Variants in JAKMIP2 observed in about 807,000 individuals in gnomAD.
JAKMIP2 encodes the protein janus kinase and microtubule-interacting protein 2.
In JAKMIP2, 25 loss-of-function variants were observed where a neutral mutation model predicts 115.0. The observed-to-expected ratio is 0.22, with a 90% CI of 0.16 to 0.30. The LOEUF (loss-of-function observed/expected upper bound fraction) is 0.30, where lower values mean the gene tolerates loss of function less well. Ranked by LOEUF, JAKMIP2 falls within the 10% of genes least tolerant of loss-of-function variation. The pLI is 1.00. For missense variants in JAKMIP2, 642 were observed against 957.6 expected (o/e 0.67, Z 4.35); for synonymous variants, 334 against 343.6 (o/e 0.97, Z 0.31).
chr5:147,598,686 G>A (rs1411341894), intron 21 of JAKMIP2, among the ~76,000 whole-genome samples: 2 of 152,134 alleles, frequency 1.3e-5, no homozygotes, highest in Admixed American at 6.6e-5. Context: ...GCCTTCTAGG[G>A]AGCGTTCGAT....
intron 21 of JAKMIP2, among the ~76,000 whole-genome samples, chr5:147,597,043 TTG>T (rs1209047191): frequency 4.0e-3 from 136 of 33,860 alleles, no homozygotes; most frequent in African/African-American, 8.3e-3. Context: ...TGGCTAATTT[TTG>T]TATTTTTTTT....
chr5:147,666,462 AGC>A (rs1182867678), intron 2 of JAKMIP2, among the ~76,000 whole-genome samples: 1 of 152,162 alleles, frequency 6.6e-6, no homozygotes, highest in African/African-American at 2.4e-5. Context: ...ACCATATAAT[AGC>A]TAGCATTTAT....
chr5:147,679,770 T>C (rs1760163904), intron 1 of JAKMIP2, among the ~76,000 whole-genome samples: 2 of 152,190 alleles, frequency 1.3e-5, no homozygotes, highest in Admixed American at 1.3e-4. Flanking sequence ...GAGCTGCAAC[T>C]CAAATACACA....
At chr5:147,676,887 G>A (rs1382670744) in intron 1 of JAKMIP2, among the ~76,000 whole-genome samples, 1 of 152,186 alleles carries the variant, frequency 6.6e-6, no homozygotes, top group Non-Finnish European at 1.5e-5. Flanking sequence ...GTATTTTAGA[G>A]GAGGGCTTCC....
intron 20 of JAKMIP2, among the ~76,000 whole-genome samples, chr5:147,611,301 G>A (rs1756305470): frequency 2.0e-5 from 3 of 152,168 alleles, no homozygotes; most frequent in South Asian, 2.1e-4. Flanking sequence ...TTGAAACCCA[G>A]GGCCCTTGTG....
Position 147,666,388 on chromosome 5 carries a change from T to C in JAKMIP2, c.130-4943A>G, listed in dbSNP as rs1159543878. ...AATACTTTGAAATGAAGAAAATTAT[T>C]TAGTAGAAGAAAGAAACCAATTTTG... On this transcript the variant is annotated intron_variant, in intron 2 of 21. Transcript: ENST00000616793. Among the ~76,000 whole-genome samples, 3 of 152,280 alleles carry C rather than the reference T, an allele frequency of 2.0e-5. No individual in the cohort carries two copies. The East Asian group carries it at 5.8e-4, about 29-fold the overall frequency.
chr5:147,693,097 C>A (rs1209397277), intron 1 of JAKMIP2, among the ~76,000 whole-genome samples: 3 of 152,058 alleles, frequency 2.0e-5, no homozygotes, highest in Non-Finnish European at 4.4e-5. Context: ...AAAGTTAGCT[C>A]TTTATAAATA....
chr5:147,726,780 G>A (rs1753536390), intron 1 of JAKMIP2, among the ~76,000 whole-genome samples: 3 of 152,212 alleles, frequency 2.0e-5, no homozygotes, highest in Admixed American at 2.0e-4. Context: ...CTTGTTTTAT[G>A]TCCTTGGAAG....
chr5:147,778,939 T>A lies in JAKMIP2; in HGVS notation c.-149+3517A>T, dbSNP rs534571826. Reference sequence around the variant, plus strand: ...AGCACATTTTCCCTTGATAGAATAATAGTGGAATGTGTAAACAGGGAATTG... The same window carrying A: ...AGCACATTTTCCCTTGATAGAATAAAAGTGGAATGTGTAAACAGGGAATTG... On this transcript the variant is annotated intron_variant, in intron 1 of 21. Transcript: ENST00000616793. 3.3e-5 allele frequency among the ~76,000 whole-genome samples: 5 copies of A among 152,242 alleles called. No homozygotes were observed. In the South Asian group the frequency reaches 1.0e-3, roughly 32 times the overall value.
chr5:147,677,566 A>G (rs1174194086), intron 1 of JAKMIP2, among the ~76,000 whole-genome samples: 3 of 152,170 alleles, frequency 2.0e-5, no homozygotes, highest in African/African-American at 7.2e-5. Flanking sequence ...CAGGAGTGGG[A>G]TGCCCCATCT....
intron 1 of JAKMIP2, among the ~76,000 whole-genome samples, chr5:147,750,797 A>C (rs1754522370): frequency 6.6e-6 from 1 of 152,082 alleles, no homozygotes; most frequent in African/African-American, 2.4e-5. Context: ...TCAAGAGAGG[A>C]AGAAACACCA....
chr5:147,696,070 C>A (rs747556135), intron 1 of JAKMIP2, among the ~76,000 whole-genome samples: 2 of 152,110 alleles, frequency 1.3e-5, no homozygotes, highest in African/African-American at 2.4e-5. Context: ...AAGGTTAGGA[C>A]ATCATATCCC....
At chr5:147,728,142 T>A (rs1177867747) in intron 1 of JAKMIP2, among the ~76,000 whole-genome samples, 2 of 152,264 alleles carry the variant, frequency 1.3e-5, no homozygotes, top group African/African-American at 4.8e-5. Flanking sequence ...TTATAATAAC[T>A]AGGTAGGAAA....
chr5:147,680,812 T>C (rs945466755), intron 1 of JAKMIP2, among the ~76,000 whole-genome samples: 5 of 152,204 alleles, frequency 3.3e-5, no homozygotes, highest in African/African-American at 7.2e-5. Context: ...CAGTCCAACA[T>C]TGAAGTTCTA....
chr5:147,686,535 T>C (rs1431800862), intron 1 of JAKMIP2, among the ~76,000 whole-genome samples: 2 of 152,210 alleles, frequency 1.3e-5, no homozygotes, highest in Non-Finnish European at 2.9e-5. Flanking sequence ...TTCACCACTG[T>C]ATCCGCAGTG....
At chr5:147,660,838 A>T in intron 3 of JAKMIP2, 110 bp downstream of exon 3, 2 of 1,233,564 alleles carry the variant, frequency 1.6e-6, no homozygotes, top group Non-Finnish European at 2.3e-6. Context: ...AAAGGTAGGC[A>T]CTGTTTACAA....
At chr5:147,745,056 C>CAAAAAAA (rs60275664) in intron 1 of JAKMIP2, among the ~76,000 whole-genome samples, 1 of 88,410 alleles carries the variant, frequency 1.1e-5, no homozygotes, top group Admixed American at 1.2e-4. Flanking sequence ...GACTCTGTCT[C>CAAAAAAA]AAAAAAAAAA....
chr5:147,620,711 C>T lies in JAKMIP2; in HGVS notation c.2097G>A (p.Glu699=), dbSNP rs1235150480. ...CTTGTTTTCTGTAGTCTAGTTCTTC[C>T]TCCAGATAGCCTTTTATTTTGCAGA... ...EQFCKIKGYL[E]EELDYRKQAL... The change falls in exon 18 of 22, where the codon GAG becomes GAA. Residue 699 remains glutamate (E), a synonymous_variant. Coordinates refer to ENST00000616793, the MANE Select transcript of JAKMIP2 (RefSeq NM_001270941.2). 6.2e-7 allele frequency: 1 copy of T among 1,613,568 alleles called. No individual in the cohort carries two copies. Among genetic ancestry groups the T allele is most frequent in the Non-Finnish European group, 8.5e-7 (1 of 1,179,728 alleles).
chr5:147,644,202 G>T lies in JAKMIP2; in HGVS notation c.1084-4C>A, dbSNP rs373490216. 23 of 1,565,242 alleles carry T rather than the reference G, an allele frequency of 1.5e-5. No homozygotes were observed. The African/African-American group carries it at 3.0e-4, about 20-fold the overall frequency. On this transcript the variant is annotated splice_region_variant and splice_polypyrimidine_tract_variant and intron_variant, in intron 6 of 21. Transcript: ENST00000616793. ...GATGGGATGTTATTTTTTCTCTCTG[G>T]ATTGGAAAAGAAGAAAGTACAGGTG...
Sources: allele counts gnomAD v4.1 joint callset (sites outside exome capture counted in the v4.1 genomes callset), GRCh38; gene constraint gnomAD v4.1.1; transcripts MANE v1.5; gene names NCBI Gene and HGNC (gene_info 2026-07-23, HGNC 2026-07-21).